Variants in PCDHGA6 observed in about 807,000 individuals in gnomAD.
PCDHGA6 encodes the protein protocadherin gamma-A6.
In PCDHGA6, 41 loss-of-function variants were observed where a neutral mutation model predicts 60.6. That is an observed-to-expected ratio of 0.68 (90% CI 0.53 to 0.88). PCDHGA6 has a LOEUF of 0.88. PCDHGA6 is among the 40% of genes least tolerant of loss of function. The pLI, the probability that PCDHGA6 is intolerant of heterozygous loss-of-function variation, is 0.00. For synonymous variants in PCDHGA6, 594 were observed against 524.4 expected, an observed-to-expected ratio of 1.13 and a Z score of -1.81; for missense variants, 1,312 against 1,203.0, an observed-to-expected ratio of 1.09 and a Z score of -1.34.
chr5:141,415,740 G>GTTTT lies in PCDHGA6; in HGVS notation c.2424+39262_2424+39265dup, dbSNP rs57426385. ...TGAGTAGAATTTGATGTTTATTAAG[G>GTTTT]TTTTTTTTTTTTTTTTTTTTTTTTT... On this transcript the variant is annotated intron_variant, in intron 1 of 3. Transcript: ENST00000517434. 3.9e-3 allele frequency: 2,454 copies of GTTTT among 623,032 alleles called. 15 individuals carry two copies. Among genetic ancestry groups the GTTTT allele is most frequent in the South Asian group, 7.6e-3 (262 of 34,698 alleles). 38.6% of individuals were successfully genotyped at this position (623,032 alleles called of 1,614,324 possible).
chr5:141,399,872 A>G (rs759178048), intron 1 of PCDHGA6: 2 of 1,612,652 alleles, frequency 1.2e-6, no homozygotes, highest in Non-Finnish European at 1.7e-6. Flanking sequence ...GAGCCCGGCT[A>G]CCTGGTGACC....
intron 1 of PCDHGA6, chr5:141,400,093 C>G (rs1225718379): frequency 1.2e-6 from 2 of 1,614,094 alleles, no homozygotes; most frequent in Non-Finnish European, 1.7e-6. Context: ...CACCGCCACG[C>G]TGCACTTGGT....
In PCDHGA6 at chr5:141,481,831, G is replaced by A. The variant is rs35816779; in HGVS notation, c.2425-12976G>A. On this transcript the variant is annotated intron_variant, in intron 1 of 3. Coordinates refer to ENST00000517434, the MANE Select transcript of PCDHGA6 (RefSeq NM_018919.3). ...ACCAGGCGTGGTGGCTGAGGCAGGAGAATCGCTTGATGGTGGAGGTTGCAG... is the reference window on the plus strand; with the variant it reads ...ACCAGGCGTGGTGGCTGAGGCAGGAAAATCGCTTGATGGTGGAGGTTGCAG... Among the ~76,000 whole-genome samples the A allele has an allele frequency of 1.9e-3, 280 of 149,560 alleles. 1 individual carries two copies. The highest frequency in any genetic ancestry group is 0.01 in the Middle Eastern group (3 of 290).
At chr5:141,394,430 C>G in intron 1 of PCDHGA6, 2 of 1,614,244 alleles carry the variant, frequency 1.2e-6, no homozygotes, top group Non-Finnish European at 1.7e-6. Flanking sequence ...ACAGCGGGGA[C>G]CCGCCCCTCA....
intron 2 of PCDHGA6, among the ~76,000 whole-genome samples, chr5:141,497,984 C>G (rs2099780951): frequency 6.6e-6 from 1 of 152,194 alleles, no homozygotes; most frequent in South Asian, 2.1e-4. Flanking sequence ...TGGGAGGCCC[C>G]TGCCCTCAAG....
intron 1 of PCDHGA6, chr5:141,478,117 C>G (rs1419172538): frequency 1.3e-5 from 21 of 1,614,058 alleles, no homozygotes; most frequent in Non-Finnish European, 1.7e-5. Context: ...TGTCAGTAAC[C>G]GAGGACTCTC....
chr5:141,435,795 G>A (rs150143106), intron 1 of PCDHGA6, among the ~76,000 whole-genome samples: 16 of 152,032 alleles, frequency 1.1e-4, no homozygotes, highest in Admixed American at 2.0e-4. Flanking sequence ...GAAACATAAC[G>A]TCCCAATTAT....
Position 141,422,343 on chromosome 5 carries a change from G to T in PCDHGA6, c.2424+45836G>T, listed in dbSNP as rs764862139. ...GTACAGTGATTGCTCTTCTAAATGT[G>T]CAAGATCAAGATTCTGGAGAAAATG... On this transcript the variant is annotated intron_variant, in intron 1 of 3. Transcript: ENST00000517434. 1.9e-6 allele frequency: 3 copies of T among 1,551,388 alleles called. No individual in the cohort carries two copies. The East Asian group carries it at 6.7e-5, about 35-fold the overall frequency.
intron 1 of PCDHGA6, chr5:141,427,448 TC>T (rs1355717683): frequency 6.2e-6 from 3 of 484,982 alleles, no homozygotes; most frequent in Non-Finnish European, 1.2e-5. Flanking sequence ...ACGAAAGAGT[TC>T]CTTTTAGAAT....
chr5:141,420,187 C>G (rs1369031488), intron 1 of PCDHGA6: 1 of 1,613,706 alleles, frequency 6.2e-7, no homozygotes, highest in East Asian at 2.2e-5. Context: ...ATTGTCCAGC[C>G]ACACAAGATA....
At chr5:141,379,494 T>C (rs1469467454) in intron 1 of PCDHGA6, 2 of 152,242 alleles carry the variant, frequency 1.3e-5, no homozygotes, top group Non-Finnish European at 2.9e-5. Context: ...ATACTACCAA[T>C]TTGGGATGTT....
At chr5:141,404,110 C>G (rs1283800962) in intron 1 of PCDHGA6, 1 of 1,613,336 alleles carries the variant, frequency 6.2e-7, no homozygotes, top group South Asian at 1.1e-5. Context: ...TCTGTTCTAT[C>G]CAGGAGAATC....
chr5:141,389,356 C>T lies in PCDHGA6; in HGVS notation c.2424+12849C>T, dbSNP rs188323445. 2.1e-5 allele frequency: 34 copies of T among 1,613,916 alleles called. No homozygotes were observed. The Middle Eastern group carries it at 1.6e-3, about 78-fold the overall frequency. ...GGCCAAGTCTCTTACTGCATCATGG[C>T]CAGTGACCTGGAGCAGCGGGAGCTG... On this transcript the variant is annotated intron_variant, in intron 1 of 3. Transcript: ENST00000517434.
At chr5:141,467,628 C>G (rs181245841) in intron 1 of PCDHGA6, among the ~76,000 whole-genome samples, 49 of 152,224 alleles carry the variant, frequency 3.2e-4, no homozygotes, top group African/African-American at 1.1e-3. Context: ...TTTGAGATAG[C>G]ATCTTTATCA....
intron 1 of PCDHGA6, among the ~76,000 whole-genome samples, chr5:141,452,416 C>T (rs2098741061): frequency 6.6e-6 from 1 of 152,144 alleles, no homozygotes; most frequent in African/African-American, 2.4e-5. Context: ...GAGGTATGCT[C>T]ACTGCTAATG....
At chr5:141,502,001 C>T (rs2099812274) in intron 2 of PCDHGA6, among the ~76,000 whole-genome samples, 2 of 152,106 alleles carry the variant, frequency 1.3e-5, no homozygotes, top group Admixed American at 1.3e-4. Flanking sequence ...CCCTGACAAC[C>T]CGCATGCTCT....
chr5:141,458,059 T>A (rs533147047), intron 1 of PCDHGA6, among the ~76,000 whole-genome samples: 1 of 152,238 alleles, frequency 6.6e-6, no homozygotes, highest in Admixed American at 6.5e-5. Flanking sequence ...CTTGCTGCAC[T>A]GATGCGAACA....
At chr5:141,480,652 A>C (rs1488188393) in intron 1 of PCDHGA6, among the ~76,000 whole-genome samples, 4 of 152,220 alleles carry the variant, frequency 2.6e-5, no homozygotes, top group Non-Finnish European at 5.9e-5. Context: ...TTGGTTGCAC[A>C]TTAAAATCAC....
At chr5:141,440,501 A>G (rs2098183001) in intron 1 of PCDHGA6, 1 of 152,174 alleles carries the variant, frequency 6.6e-6, no homozygotes, top group African/African-American at 2.4e-5. Context: ...TCACATTAAT[A>G]TGGAGATTCA....
Sources: allele counts gnomAD v4.1 joint callset (sites outside exome capture counted in the v4.1 genomes callset), GRCh38; gene constraint gnomAD v4.1.1; transcripts MANE v1.5; gene names NCBI Gene and HGNC (gene_info 2026-07-23, HGNC 2026-07-21).